EML4: variants seen among roughly 807,000 people sequenced by gnomAD.
EML4 encodes the protein echinoderm microtubule-associated protein-like 4.
EML4 carries 72 observed loss-of-function variants against 129.0 expected under a neutral mutation model. The ratio of observed to expected loss-of-function variants is 0.56; its 90% confidence interval spans 0.46 to 0.68. The LOEUF (loss-of-function observed/expected upper bound fraction) is 0.68, where lower values mean the gene tolerates loss of function less well. Ranked by LOEUF, EML4 falls within the 30% of genes least tolerant of loss-of-function variation. EML4 has a pLI of 0.00. For missense variants in EML4, 1,363 were observed against 1,190.6 expected (o/e 1.14, Z -2.13); for synonymous variants, 532 against 405.0 (o/e 1.31, Z -3.77).
intron 17 of EML4, 83 bp from the exon 18 acceptor site, chr2:42,315,879 T>C: frequency 1.0e-6 from 1 of 1,004,878 alleles, no homozygotes; most frequent in South Asian, 1.4e-5. Context: ...AGACTCCATC[T>C]CAAAAAAAAA....
At chr2:42,248,489 C>T (rs982063170) in intron 2 of EML4, among the ~76,000 whole-genome samples, 2 of 152,118 alleles carry the variant, frequency 1.3e-5, no homozygotes, top group African/African-American at 4.8e-5. Context: ...TACTATTCCC[C>T]AGGAACTTAT....
At chr2:42,211,002 A>G (rs1247210435) in intron 1 of EML4, among the ~76,000 whole-genome samples, 1 of 152,216 alleles carries the variant, frequency 6.6e-6, no homozygotes, top group Non-Finnish European at 1.5e-5. Flanking sequence ...TTTCTTCTCA[A>G]AGTAATCAGA....
chr2:42,239,745 T>C (rs1434566819), intron 1 of EML4, among the ~76,000 whole-genome samples: 2 of 145,990 alleles, frequency 1.4e-5, no homozygotes, highest in Non-Finnish European at 3.0e-5. Flanking sequence ...TTTTAGCTTA[T>C]ACTCCTACTC....
At chr2:42,298,528 C>A (rs1266258971) in intron 13 of EML4, among the ~76,000 whole-genome samples, 2 of 152,060 alleles carry the variant, frequency 1.3e-5, no homozygotes, top group African/African-American at 4.8e-5. Context: ...CAGGTAAATA[C>A]TATATAAAGG....
chr2:42,228,501 T>A (rs1441058097), intron 1 of EML4, among the ~76,000 whole-genome samples: 1 of 152,258 alleles, frequency 6.6e-6, no homozygotes, highest in Non-Finnish European at 1.5e-5. Context: ...TATTCAATAC[T>A]TATATCATTT....
chr2:42,300,874 A>G (rs1668245772), intron 13 of EML4, among the ~76,000 whole-genome samples: 1 of 152,140 alleles, frequency 6.6e-6, no homozygotes, highest in African/African-American at 2.4e-5. Context: ...GAGCTCTCAT[A>G]TCAGAAGAGT....
intron 1 of EML4, among the ~76,000 whole-genome samples, chr2:42,203,227 A>G (rs1672341886): frequency 6.6e-6 from 1 of 152,236 alleles, no homozygotes; most frequent in Non-Finnish European, 1.5e-5. Flanking sequence ...ATTATTTACC[A>G]GTTAAAAGAA....
chr2:42,214,471 A>G (rs1187322860), intron 1 of EML4, among the ~76,000 whole-genome samples: 1 of 152,074 alleles, frequency 6.6e-6, no homozygotes, highest in East Asian at 1.9e-4. Flanking sequence ...TTCATTGAAA[A>G]TGAATGTATT....
intron 10 of EML4, 44 bp from the exon 11 acceptor site, chr2:42,288,183 C>T (rs1397078054): frequency 2.5e-5 from 20 of 795,118 alleles, no homozygotes; most frequent in South Asian, 9.0e-5. Context: ...GAATGTTAGC[C>T]CTATCAGTGA....
At chr2:42,204,767 A>G (rs777621880) in intron 1 of EML4, among the ~76,000 whole-genome samples, 6 of 152,174 alleles carry the variant, frequency 3.9e-5, no homozygotes, top group African/African-American at 7.2e-5. Flanking sequence ...ACAGAAATGG[A>G]TGATTCTTCT....
At chr2:42,328,319 ATAAT>A (rs1170744568) in intron 21 of EML4, among the ~76,000 whole-genome samples, 1 of 152,236 alleles carries the variant, frequency 6.6e-6, no homozygotes, top group East Asian at 1.9e-4. Flanking sequence ...ATGATTCAGA[ATAAT>A]TAAATTTGAC....
chr2:42,322,942 T>C (rs780710096), intron 19 of EML4, among the ~76,000 whole-genome samples: 27 of 152,214 alleles, frequency 1.8e-4, no homozygotes, highest in African/African-American at 4.6e-4. Context: ...TTTTCTAAAT[T>C]TGGGGACTTC....
chr2:42,284,506 C>G (rs1478616887), intron 8 of EML4, 128 bp from the exon 9 acceptor site: 5 of 524,868 alleles, frequency 9.5e-6, no homozygotes, highest in Non-Finnish European at 1.6e-5. Flanking sequence ...GTTTGATTTG[C>G]TGAAGAAAAC....
At chr2:42,329,561 A>G (rs1441424525) in intron 22 of EML4, among the ~76,000 whole-genome samples, 173 bp from the exon 23 acceptor site, 1 of 152,216 alleles carries the variant, frequency 6.6e-6, no homozygotes, top group Non-Finnish European at 1.5e-5. Flanking sequence ...TAAAGTGATA[A>G]TAAAAGGAAA....
At chr2:42,215,634 A>G (rs1673140190) in intron 1 of EML4, among the ~76,000 whole-genome samples, 1 of 152,140 alleles carries the variant, frequency 6.6e-6, no homozygotes, top group Non-Finnish European at 1.5e-5. Flanking sequence ...GGGTTACCAT[A>G]TATCTATCTG....
At chr2:42,289,094 CTT>C (rs1667473891) in intron 11 of EML4, 1 of 152,120 alleles carries the variant, frequency 6.6e-6, no homozygotes. Flanking sequence ...TGATGTTTAA[CTT>C]AACATTTTGA....
chr2:42,328,606 A>G (rs562279781), intron 21 of EML4, among the ~76,000 whole-genome samples: 1 of 152,230 alleles, frequency 6.6e-6, no homozygotes, highest in African/African-American at 2.4e-5. Context: ...AGTAAAATAA[A>G]TTATTAGCAC....
intron 1 of EML4, among the ~76,000 whole-genome samples, chr2:42,187,405 T>C (rs1044643124): frequency 5.9e-5 from 9 of 152,302 alleles, no homozygotes; most frequent in African/African-American, 1.7e-4. Flanking sequence ...TGGTCTTTTT[T>C]GTGCTTTTTA....
chr2:42,317,867 A>AT (rs2103795829), intron 19 of EML4, among the ~76,000 whole-genome samples: 1 of 152,318 alleles, frequency 6.6e-6, no homozygotes, highest in South Asian at 2.1e-4. Flanking sequence ...AACTCCTATG[A>AT]TTCTGCCCAC....
Sources: gnomAD v4.1 joint callset for allele counts (sites outside exome capture counted in the v4.1 genomes callset) on GRCh38, gnomAD v4.1.1 for gene constraint, MANE v1.5 for transcripts, NCBI Gene and HGNC (gene_info 2026-07-23, HGNC 2026-07-21) for gene names.